Variants in PHLDB2 observed in about 807,000 individuals in gnomAD.
PHLDB2 encodes pleckstrin homology-like domain family B member 2.
In PHLDB2, 71 loss-of-function variants were observed where a neutral mutation model predicts 123.6. That is an observed-to-expected ratio of 0.57 (90% CI 0.47 to 0.70). PHLDB2 has a LOEUF of 0.70. Ranked by LOEUF, PHLDB2 falls within the 30% of genes least tolerant of loss-of-function variation. The probability of loss-of-function intolerance (pLI) is 0.00; values close to 1 mark genes in which losing one functional copy is unlikely to be tolerated. For missense variants in PHLDB2, 1,446 were observed against 1,519.5 expected, an observed-to-expected ratio of 0.95 and a Z score of 0.80; for synonymous variants, 547 against 541.6, an observed-to-expected ratio of 1.01 and a Z score of -0.14.
chr3:111,757,524 T>C (rs1426177480), intron 1 of PHLDB2, among the ~76,000 whole-genome samples: 1 of 152,226 alleles, frequency 6.6e-6, no homozygotes, highest in Admixed American at 6.5e-5. Context: ...TTGAATTTCC[T>C]CCTGTAGCTC....
At chr3:111,758,011 A>G (rs915147121) in intron 1 of PHLDB2, among the ~76,000 whole-genome samples, 2 of 152,080 alleles carry the variant, frequency 1.3e-5, no homozygotes, top group African/African-American at 2.4e-5. Flanking sequence ...GTCTGCCCCT[A>G]CTGGGGGGTG....
intron 1 of PHLDB2, among the ~76,000 whole-genome samples, chr3:111,789,422 G>A (rs970814543): frequency 2.0e-5 from 3 of 152,050 alleles, no homozygotes; most frequent in African/African-American, 7.2e-5. Context: ...TTATTTTAGA[G>A]GCCATAAAGA....
intron 1 of PHLDB2, among the ~76,000 whole-genome samples, chr3:111,743,968 A>G (rs2059644025): frequency 6.6e-6 from 1 of 152,236 alleles, no homozygotes; most frequent in African/African-American, 2.4e-5. Flanking sequence ...TTGGCTACCT[A>G]AATATTTAAA....
intron 5 of PHLDB2, among the ~76,000 whole-genome samples, chr3:111,921,618 T>G (rs1282968): frequency 0.022 from 3,265 of 151,076 alleles, 119 homozygotes; most frequent in African/African-American, 0.075. Context: ...TTTTTTTTTT[T>G]TTTGAAACGG....
chr3:111,886,837 T>C (rs2066194867), intron 2 of PHLDB2, among the ~76,000 whole-genome samples: 1 of 152,162 alleles, frequency 6.6e-6, no homozygotes, highest in Non-Finnish European at 1.5e-5. Flanking sequence ...CAAAATGGCA[T>C]TGTGTTTGGG....
intron 1 of PHLDB2, among the ~76,000 whole-genome samples, chr3:111,817,557 T>C (rs2062147108): frequency 6.6e-6 from 1 of 152,254 alleles, no homozygotes; most frequent in Non-Finnish European, 1.5e-5. Context: ...TTTTATTCTT[T>C]ACTTTTCAAA....
chr3:111,892,631 G>A (rs1241006178), intron 2 of PHLDB2, among the ~76,000 whole-genome samples: 1 of 152,012 alleles, frequency 6.6e-6, no homozygotes, highest in Non-Finnish European at 1.5e-5. Context: ...TTCCAGAAAG[G>A]GGAAATTCTT....
At chr3:111,958,067 T>C (rs1429032888) in intron 12 of PHLDB2, 1 of 162,704 alleles carries the variant, frequency 6.1e-6, no homozygotes, top group Non-Finnish European at 1.3e-5. Context: ...TAAACTTGGA[T>C]TTAATCTGAA....
At chr3:111,966,808 A>G in intron 14 of PHLDB2, 105 bp downstream of exon 14, 1 of 789,256 alleles carries the variant, frequency 1.3e-6, no homozygotes, top group South Asian at 1.8e-5. Context: ...TGTTCCTGGA[A>G]TAAATCACTC....
intron 1 of PHLDB2, among the ~76,000 whole-genome samples, chr3:111,817,149 A>G (rs1350671907): frequency 6.6e-6 from 1 of 152,196 alleles, no homozygotes; most frequent in Non-Finnish European, 1.5e-5. Context: ...CTTTATCAGC[A>G]ATGTGAAAAC....
intron 12 of PHLDB2, 148 bp downstream of exon 12, chr3:111,954,177 G>T: frequency 1.6e-6 from 1 of 626,588 alleles, no homozygotes; most frequent in South Asian, 2.1e-5. Context: ...TTTCGGGAGG[G>T]ATATATAACT....
chr3:111,849,687 A>C (rs1191509886), intron 2 of PHLDB2, among the ~76,000 whole-genome samples: 1 of 152,232 alleles, frequency 6.6e-6, no homozygotes, highest in Non-Finnish European at 1.5e-5. Context: ...AGACACTTGC[A>C]CATATATTTT....
chr3:111,733,183 C>T (rs575498226), intron 1 of PHLDB2, among the ~76,000 whole-genome samples: 2,772 of 152,172 alleles, frequency 0.018, 79 homozygotes, highest in Non-Finnish European at 0.023. Flanking sequence ...GATAGGCTCT[C>T]CCAGGAAGTC....
intron 5 of PHLDB2, among the ~76,000 whole-genome samples, chr3:111,921,160 G>A (rs1006293040): frequency 6.6e-6 from 1 of 152,042 alleles, no homozygotes; most frequent in Non-Finnish European, 1.5e-5. Context: ...CTGTTTATGT[G>A]TTTTTTTCCT....
chr3:111,832,376 AAAAAAAC>A (rs141021994), intron 1 of PHLDB2, among the ~76,000 whole-genome samples: 24,767 of 151,004 alleles, frequency 0.16, 4,215 homozygotes, highest in African/African-American at 0.42. Flanking sequence ...CTTATTTTTT[AAAAAAAC>A]AAAAAACAAA....
chr3:111,870,724 A>T (rs2065295418), intron 1 of PHLDB2, among the ~76,000 whole-genome samples: 1 of 152,152 alleles, frequency 6.6e-6, no homozygotes, highest in Admixed American at 6.5e-5. Context: ...ATTCCTGTAA[A>T]GAATGGCACT....
At chr3:111,953,366 G>T (rs1428567885) in intron 11 of PHLDB2, among the ~76,000 whole-genome samples, 7 of 152,202 alleles carry the variant, frequency 4.6e-5, no homozygotes, top group African/African-American at 1.4e-4. Context: ...AGACTTTTGA[G>T]CCCTTCCCCT....
At chr3:111,757,007 G>T (rs2059903083) in intron 1 of PHLDB2, among the ~76,000 whole-genome samples, 2 of 152,056 alleles carry the variant, frequency 1.3e-5, no homozygotes, top group South Asian at 4.1e-4. Flanking sequence ...AGAGTTTCTG[G>T]CTAGAGATCC....
At chr3:111,754,045 T>G (rs1486062919) in intron 1 of PHLDB2, among the ~76,000 whole-genome samples, 1 of 152,154 alleles carries the variant, frequency 6.6e-6, no homozygotes, top group East Asian at 1.9e-4. Flanking sequence ...CTGTTTTGGT[T>G]ACTGTAGCCT....
Sources: gnomAD v4.1 joint callset for allele counts (sites outside exome capture counted in the v4.1 genomes callset) on GRCh38, gnomAD v4.1.1 for gene constraint, MANE v1.5 for transcripts, NCBI Gene and HGNC (gene_info 2026-07-23, HGNC 2026-07-21) for gene names.